TSHZ3: variants seen among roughly 807,000 people sequenced by gnomAD.
The protein encoded by TSHZ3 is teashirt homolog 3.
A neutral mutation model predicts 64.5 loss-of-function variants in TSHZ3; 10 were observed. The observed-to-expected ratio is 0.16, with a 90% CI of 0.10 to 0.26. The LOEUF is 0.26. TSHZ3 is among the 10% of genes least tolerant of loss of function. The probability of loss-of-function intolerance (pLI) is 1.00; values close to 1 mark genes in which losing one functional copy is unlikely to be tolerated. For synonymous variants in TSHZ3, 608 were observed against 593.1 expected, an observed-to-expected ratio of 1.03 and a Z score of -0.36; for missense variants, 1,242 against 1,421.7, an observed-to-expected ratio of 0.87 and a Z score of 2.03.
intron 4 of TSHZ3, among the ~76,000 whole-genome samples, chr19:31,222,778 T>TG (rs1488284336): frequency 6.6e-6 from 1 of 152,084 alleles, no homozygotes; most frequent in Non-Finnish European, 1.5e-5. Context: ...AGCTTTGCCC[T>TG]GGGAATCTCG....
rs528199474 is a variant in TSHZ3 at position 31,246,763 on chromosome 19, TCTC to T, written n.64-3891_64-3889del. Among the ~76,000 whole-genome samples, 27 of 152,042 alleles carry T rather than the reference TCTC, an allele frequency of 1.8e-4. No individual in the cohort carries two copies. The South Asian group carries it at 5.0e-3, about 28-fold the overall frequency. ...ATGGAGGCGTTTCTTTCTATGTCAT[TCTC>T]CTCTAAGAGAAGACAGGGCCACTTA... On this transcript the variant is annotated intron_variant and non_coding_transcript_variant, in intron 1 of 6. Transcript: ENST00000651361.
At chr19:31,307,728 G>A (rs752249259) in intron 1 of TSHZ3, among the ~76,000 whole-genome samples, 88 of 152,170 alleles carry the variant, frequency 5.8e-4, no homozygotes, top group African/African-American at 1.9e-3. Flanking sequence ...TTAGGTGTTC[G>A]GCCAATGTGT....
At chr19:31,328,819 A>T (rs1358736043) in intron 1 of TSHZ3, among the ~76,000 whole-genome samples, 2 of 152,216 alleles carry the variant, frequency 1.3e-5, no homozygotes, top group African/African-American at 4.8e-5. Flanking sequence ...AAGATTAAAG[A>T]ATTATCTGGA....
chr19:31,210,480 C>G (rs1459573946), intron 4 of TSHZ3, among the ~76,000 whole-genome samples: 1 of 152,118 alleles, frequency 6.6e-6, no homozygotes, highest in East Asian at 1.9e-4. Context: ...AATGAAGCCT[C>G]TGATCTCCTT....
At chr19:31,344,003 T>C (rs1419208593) in intron 1 of TSHZ3, among the ~76,000 whole-genome samples, 4 of 152,360 alleles carry the variant, frequency 2.6e-5, no homozygotes, top group South Asian at 4.1e-4. Context: ...GACTATTTTA[T>C]GCATGTGTCA....
In TSHZ3 at chr19:31,234,987, G is replaced by A. The variant is rs1439424566; in HGVS notation, n.551-6847C>T. ...TCATTGGTGAACTCATCACAACACC[G>A]AATTTCTTGTATGGGAAGTTTTTTT... On this transcript the variant is annotated intron_variant and non_coding_transcript_variant, in intron 3 of 6. Transcript: ENST00000651361. Among the ~76,000 whole-genome samples the A allele has an allele frequency of 3.3e-5, 5 of 152,204 alleles. No individual in the cohort carries two copies. The East Asian group carries it at 5.8e-4, about 18-fold the overall frequency.
Position 31,226,715 on chromosome 19 carries a change from A to G in TSHZ3, n.686+1290T>C, listed in dbSNP as rs1707033429. ...TACTTGAACACCCTGTGTTCAAGAC[A>G]TAAGGTGACCATATGTCTTCATTTG... On this transcript the variant is annotated intron_variant and non_coding_transcript_variant, in intron 4 of 6. Transcript: ENST00000651361. Among the ~76,000 whole-genome samples the G allele has an allele frequency of 3.9e-5, 6 of 152,132 alleles. No individual in the cohort carries two copies. In the South Asian group the frequency reaches 6.2e-4, roughly 16 times the overall value.
In TSHZ3 at chr19:31,278,415, C is replaced by T; in HGVS notation, c.1378G>A (p.Ala460Thr). 4 of 1,614,106 alleles carry T rather than the reference C, an allele frequency of 2.5e-6. No homozygotes were observed. The highest frequency in any genetic ancestry group is 3.4e-6 in the Non-Finnish European group (4 of 1,180,038). Residue 460 changes from alanine (A) to threonine (T), a missense_variant, in exon 2 of 2, where the codon GCC becomes ACC. This residue lies in a region of TSHZ3 where 555 missense variants were observed against 704.0 expected (regional missense o/e 0.79). Transcript: ENST00000240587. This position sits in a 1 kb window ranked among gnomAD's most constrained non-coding sequence, Gnocchi z 4.7. ...ACATTCAGTTTTGGGGAGATGCTGG[C>T]AGGTGTATTGGAGGGGGACGTGAAG... ...TTFTSPSNTP[A>T]SISPKLNVEV...
chr19:31,287,291 C>T (rs971600812), intron 1 of TSHZ3, among the ~76,000 whole-genome samples: 1 of 152,178 alleles, frequency 6.6e-6, no homozygotes, highest in Non-Finnish European at 1.5e-5. Context: ...GAAGTTATAA[C>T]CCTCCGTTTC....
intron 5 of TSHZ3, among the ~76,000 whole-genome samples, chr19:31,165,156 C>T (rs555668631): frequency 5.3e-5 from 8 of 152,344 alleles, no homozygotes; most frequent in South Asian, 2.1e-4. Context: ...AGCCCTGCCC[C>T]GGTCACCGCT....
intron 4 of TSHZ3, among the ~76,000 whole-genome samples, chr19:31,215,967 TTATTAAA>T (rs1002207567): frequency 7.3e-5 from 11 of 151,132 alleles, no homozygotes; most frequent in Admixed American, 2.0e-4. Context: ...ATTAAATTTA[TTATTAAA>T]TATTAAATAT....
chr19:31,337,720 AACACACACACAC>A (rs372251116), intron 1 of TSHZ3, among the ~76,000 whole-genome samples: 3 of 145,976 alleles, frequency 2.1e-5, no homozygotes, highest in Non-Finnish European at 3.0e-5. Flanking sequence ...TTTCAAAATA[AACACACACACAC>A]ACACACACAC....
intron 3 of TSHZ3, among the ~76,000 whole-genome samples, chr19:31,230,780 A>G (rs1975529105): frequency 6.7e-6 from 1 of 148,916 alleles, no homozygotes; most frequent in Non-Finnish European, 1.5e-5. Flanking sequence ...GCTCACTGCA[A>G]GCTCCGCCTC....
downstream of TSHZ3, among the ~76,000 whole-genome samples, chr19:31,274,643 A>T (rs1976194244): frequency 6.6e-6 from 1 of 151,988 alleles, no homozygotes; most frequent in Admixed American, 6.6e-5. Flanking sequence ...GGAAGCTCTG[A>T]TCCTGGGGGT....
At chr19:31,310,704 A>G (rs1192892221) in intron 1 of TSHZ3, among the ~76,000 whole-genome samples, 1 of 152,228 alleles carries the variant, frequency 6.6e-6, no homozygotes, top group Non-Finnish European at 1.5e-5. Flanking sequence ...CCTGAGCCAC[A>G]GCAGGACTTG....
intron 1 of TSHZ3, among the ~76,000 whole-genome samples, chr19:31,343,565 C>T (rs1490149323): frequency 3.3e-5 from 5 of 151,818 alleles, no homozygotes; most frequent in African/African-American, 7.3e-5. Context: ...ATTCCTAAAC[C>T]TAGAGTATGA....
At chr19:31,185,183 C>T (rs1478178163) in intron 5 of TSHZ3, among the ~76,000 whole-genome samples, 1 of 152,170 alleles carries the variant, frequency 6.6e-6, no homozygotes, top group African/African-American at 2.4e-5. Flanking sequence ...CAGTGGCCGC[C>T]ATGCAGACTT....
At chr19:31,309,180 T>C (rs1346951630) in intron 1 of TSHZ3, among the ~76,000 whole-genome samples, 3 of 152,238 alleles carry the variant, frequency 2.0e-5, no homozygotes, top group Non-Finnish European at 2.9e-5. Flanking sequence ...TACGGGGCCC[T>C]GGGTTCAGGA....
At chr19:31,325,791 T>G (rs181644177) in intron 1 of TSHZ3, among the ~76,000 whole-genome samples, 5 of 152,264 alleles carry the variant, frequency 3.3e-5, no homozygotes, top group Admixed American at 3.3e-4. Context: ...AGAATGTCCA[T>G]GCAGAGGGTA....
Sources: gnomAD v4.1 joint callset for allele counts (sites outside exome capture counted in the v4.1 genomes callset) on GRCh38, gnomAD v4.1.1 for gene constraint, gnomAD v4.1.1 regional missense constraint, Gnocchi (gnomAD v3.1) non-coding constraint, MANE v1.5 for transcripts, NCBI Gene and HGNC (gene_info 2026-07-23, HGNC 2026-07-21) for gene names.